SYNE2: variants seen among roughly 807,000 people sequenced by gnomAD.
SYNE2 encodes nesprin-2.
In SYNE2, 431 loss-of-function variants were observed where a neutral mutation model predicts 856.3. The ratio of observed to expected loss-of-function variants is 0.50; its 90% CI spans 0.47 to 0.55. The LOEUF is 0.55. Among genes scored for constraint, SYNE2 ranks in the 20% least tolerant of loss-of-function variants. The pLI is 0.00. For synonymous variants in SYNE2, 2,923 were observed against 2,872.3 expected, an observed-to-expected ratio of 1.02 and a Z score of -0.56; for missense variants, 8,129 against 8,023.2, an observed-to-expected ratio of 1.01 and a Z score of -0.50.
At chr14:64,038,174 G>A (rs570842004) in intron 45 of SYNE2, among the ~76,000 whole-genome samples, 2 of 151,254 alleles carry the variant, frequency 1.3e-5, no homozygotes, top group Non-Finnish European at 2.9e-5. Flanking sequence ...GGGCGGCGGG[G>A]CAGAGACGCT....
chr14:64,084,884 G>C (rs1260769006), intron 57 of SYNE2: 2 of 696,866 alleles, frequency 2.9e-6, no homozygotes, highest in South Asian at 3.0e-5. Flanking sequence ...GGCTCGACTT[G>C]TGTGAGGGAG....
Position 63,941,705 on chromosome 14 carries a change from C to G in SYNE2, c.152C>G (p.Pro51Arg). Reference protein sequence around the residue: ...INSQLARHTSPSVISDLFTDI... With the variant: ...INSQLARHTSRSVISDLFTDI... ...TGTGACCTTCTGCAGCACACTTCTCCCTCAGTTATATCCGACCTATTCACA... is the reference window on the plus strand; with the variant it reads ...TGTGACCTTCTGCAGCACACTTCTCGCTCAGTTATATCCGACCTATTCACA... The change falls in exon 4 of 116, where the codon CCC becomes CGC. Residue 51 changes from proline to arginine, a missense_variant. Pro to Arg is a moderately radical substitution (Grantham distance 103). Transcript: ENST00000555002. 6.2e-7 allele frequency: 1 copy of G among 1,613,906 alleles called. No individual in the cohort carries two copies. Among genetic ancestry groups the G allele is most frequent in the Non-Finnish European group, 8.5e-7 (1 of 1,179,876 alleles).
chr14:64,126,238 T>A, intron 71 of SYNE2, 89 bp from the exon 72 acceptor site: 1 of 1,172,150 alleles, frequency 8.5e-7, no homozygotes, highest in Admixed American at 1.8e-5. Context: ...ATAACATAAA[T>A]CATAAACTAT....
chr14:64,140,321 C>T lies in SYNE2; in HGVS notation c.14976+248C>T, dbSNP rs535616606. Among the ~76,000 whole-genome samples the T allele has an allele frequency of 4.6e-5, 7 of 152,278 alleles. No homozygotes were observed. In the South Asian group the frequency reaches 1.0e-3, roughly 23 times the overall value. On this transcript the variant is annotated intron_variant, in intron 80 of 115. Coordinates refer to ENST00000555002, the MANE Select transcript of SYNE2 (RefSeq NM_182914.3). ...AACTTGCGCCAGGTGCAGTGGCTCA[C>T]GCCTGTAATCCCAGCACTTTGGGAG...
intron 45 of SYNE2, among the ~76,000 whole-genome samples, chr14:64,045,453 G>A (rs2097179466): frequency 6.6e-6 from 1 of 151,270 alleles, no homozygotes; most frequent in Non-Finnish European, 1.5e-5. Flanking sequence ...TCGGGGGGTG[G>A]GGGTCCTCTA....
chr14:63,792,146 C>T (rs1887760609), intron 1 of SYNE2, among the ~76,000 whole-genome samples: 1 of 152,052 alleles, frequency 6.6e-6, no homozygotes, highest in Non-Finnish European at 1.5e-5. Context: ...ATGAATTAAA[C>T]ACTCCAATTA....
chr14:63,973,283 C>G (rs1009685655), intron 11 of SYNE2, among the ~76,000 whole-genome samples: 4 of 151,832 alleles, frequency 2.6e-5, no homozygotes, highest in Non-Finnish European at 5.9e-5. Context: ...AAAGAAATAA[C>G]TTTTTTCATT....
intron 76 of SYNE2, among the ~76,000 whole-genome samples, chr14:64,130,513 TCAAA>T (rs929074938): frequency 2.6e-5 from 4 of 152,194 alleles, no homozygotes; most frequent in Non-Finnish European, 4.4e-5. Context: ...CAACAAGTCT[TCAAA>T]CAAATTTAAA....
intron 6 of SYNE2, among the ~76,000 whole-genome samples, chr14:63,944,276 TTTTATA>T (rs1391274331): frequency 7.6e-4 from 30 of 39,294 alleles, no homozygotes; most frequent in African/African-American, 2.7e-3. Flanking sequence ...CTTTCTGAAT[TTTTATA>T]TATATATATA....
intron 98 of SYNE2, among the ~76,000 whole-genome samples, chr14:64,189,716 T>C (rs1237389873): frequency 6.6e-6 from 1 of 152,208 alleles, no homozygotes; most frequent in East Asian, 1.9e-4. Flanking sequence ...TGTCTCACTG[T>C]GCTGGAGTGC....
rs189146789 is a variant in SYNE2 at position 63,823,814 on chromosome 14, C to G, written c.-304-28687C>G. 9.2e-5 allele frequency among the ~76,000 whole-genome samples: 14 copies of G among 151,964 alleles called. No individual in the cohort carries two copies. In the East Asian group the frequency reaches 2.5e-3, roughly 27 times the overall value. ...CCATAGCCAGCTAATATTTTTTATT[C>G]TTTGTAGAAACAGAGTCTCCCTATG... On this transcript the variant is annotated intron_variant, in intron 1 of 23. Coordinates refer to the SYNE2 transcript ENST00000674003.
intron 64 of SYNE2, among the ~76,000 whole-genome samples, chr14:64,102,502 T>G (rs12436506): frequency 9.9e-6 from 1 of 101,484 alleles, no homozygotes; most frequent in Non-Finnish European, 1.9e-5. Flanking sequence ...ATGGGCTGAA[T>G]TTTTTTTTTT....
Position 63,973,191 on chromosome 14 carries a change from T to C in SYNE2, c.1129-3372T>C, listed in dbSNP as rs1339977928. On this transcript the variant is annotated intron_variant, in intron 11 of 115. Transcript: ENST00000555002. ...ATCGCTTGCACCTGGTAGGCGGAGG[T>C]TTCAGTGAGCCGAGATATGTATCTA... Among the ~76,000 whole-genome samples the C allele has an allele frequency of 6.6e-5, 10 of 151,220 alleles. No individual in the cohort carries two copies. In the South Asian group the frequency reaches 2.1e-3, roughly 32 times the overall value.
At chr14:64,040,421 T>A (rs2097139238) in intron 45 of SYNE2, among the ~76,000 whole-genome samples, 1 of 151,760 alleles carries the variant, frequency 6.6e-6, no homozygotes, top group Non-Finnish European at 1.5e-5. Context: ...AAAATAATCA[T>A]AAGGGACTTC....
chr14:63,980,576 G>A (rs2096578020), intron 14 of SYNE2, 78 bp from the exon 15 acceptor site: 1 of 930,490 alleles, frequency 1.1e-6, no homozygotes, highest in Non-Finnish European at 1.7e-6. Context: ...TCGTTGAATG[G>A]CTGTATCTCA....
Position 64,107,806 on chromosome 14 carries a change from A to T in SYNE2, c.12609+199A>T, listed in dbSNP as rs146368057. Among the ~76,000 whole-genome samples the T allele has an allele frequency of 5.0e-3, 761 of 152,368 alleles. 8 individuals carry two copies. Among genetic ancestry groups the T allele is most frequent in the African/African-American group, 0.017 (718 of 41,586 alleles). On this transcript the variant is annotated intron_variant, in intron 65 of 115. Transcript: ENST00000555002. ...TATTTACAAAGAAAATAGGCATGGC[A>T]TAGAGAATTAGACGCTTTTCACTCA...
At chr14:64,090,260 AC>A in intron 59 of SYNE2, among the ~76,000 whole-genome samples, 1 of 151,984 alleles carries the variant, frequency 6.6e-6, no homozygotes, top group Non-Finnish European at 1.5e-5. Context: ...CAATTTCCTC[AC>A]CTGTGAAATG....
intron 108 of SYNE2, among the ~76,000 whole-genome samples, chr14:64,217,702 G>C (rs1035790605): frequency 6.6e-5 from 10 of 151,940 alleles, no homozygotes; most frequent in Non-Finnish European, 1.3e-4. Context: ...CAACCCTTTT[G>C]TTGTGTCTGA....
chr14:63,942,041 T>C lies in SYNE2; in HGVS notation c.316-10T>C. 6 of 1,604,842 alleles carry C rather than the reference T, an allele frequency of 3.7e-6. No homozygotes were observed. The highest frequency in any genetic ancestry group is 5.1e-6 in the Non-Finnish European group (6 of 1,172,260). ...TTTCCTCCTTTTAACCTGCACTTTT[T>C]GTTTTCCAGATTAAGCTAATAAATA... On this transcript the variant is annotated splice_polypyrimidine_tract_variant and intron_variant, in intron 5 of 115. Transcript: ENST00000555002.
Sources: allele counts gnomAD v4.1 joint callset (sites outside exome capture counted in the v4.1 genomes callset), GRCh38; gene constraint gnomAD v4.1.1; transcripts MANE v1.5; gene names NCBI Gene and HGNC (gene_info 2026-07-23, HGNC 2026-07-21).